The following BBOX1 variants were observed in gnomAD, a reference collection of about 807,000 sequenced individuals.
The protein encoded by BBOX1 is gamma-butyrobetaine dioxygenase.
BBOX1 carries 35 observed loss-of-function variants against 41.6 expected under a neutral mutation model. That is an observed-to-expected ratio of 0.84 (90% CI 0.64 to 1.11). The LOEUF is 1.11. Ranked by LOEUF, BBOX1 falls within the 50% of genes most tolerant of loss-of-function variation. The pLI is 0.00. For missense variants in BBOX1, 458 were observed against 460.6 expected (o/e 0.99, Z 0.05); for synonymous variants, 163 against 154.7 (o/e 1.05, Z -0.40).
intron 2 of BBOX1, chr11:27,047,280 T>C (rs189600874): frequency 3.2e-4 from 49 of 152,298 alleles, no homozygotes; most frequent in African/African-American, 1.1e-3. Flanking sequence ...CCCCCAGTGA[T>C]TGGAAATGTG....
intron 5 of BBOX1, among the ~76,000 whole-genome samples, chr11:27,100,118 T>G (rs1386599735): frequency 6.6e-6 from 1 of 152,058 alleles, no homozygotes; most frequent in Non-Finnish European, 1.5e-5. Context: ...CACATTAGAT[T>G]GGATTCAAGG....
At chr11:27,100,877 A>G (rs757839761) in intron 5 of BBOX1, among the ~76,000 whole-genome samples, 12 of 151,822 alleles carry the variant, frequency 7.9e-5, no homozygotes, top group South Asian at 2.1e-4. Context: ...CACACATACA[A>G]CCTTCCTTCC....
intron 4 of BBOX1, among the ~76,000 whole-genome samples, chr11:27,077,811 A>G (rs1422353797): frequency 6.6e-6 from 1 of 152,088 alleles, no homozygotes; most frequent in Non-Finnish European, 1.5e-5. Context: ...GAAAGATTAT[A>G]TAGATTGTCT....
At chr11:27,059,570 C>T (rs72876279) in intron 4 of BBOX1, among the ~76,000 whole-genome samples, 29,524 of 152,084 alleles carry the variant, frequency 0.19, 3,336 homozygotes, top group South Asian at 0.39. Flanking sequence ...GTAGATCCAC[C>T]GCCAGCATGC....
chr11:27,089,249 T>C (rs1264302007), intron 4 of BBOX1, among the ~76,000 whole-genome samples: 1 of 151,886 alleles, frequency 6.6e-6, no homozygotes, highest in African/African-American at 2.4e-5. Context: ...ATGTCAAATC[T>C]CAATAACCAT....
intron 4 of BBOX1, 23 bp from the exon 5 acceptor site, chr11:27,093,145 T>G (rs1590206221): frequency 1.1e-5 from 17 of 1,602,610 alleles, no homozygotes; most frequent in Non-Finnish European, 1.5e-5. Flanking sequence ...CCCATCTGAT[T>G]TCTTCATTTT....
At chr11:27,053,489 A>G (rs1443175205) in intron 2 of BBOX1, among the ~76,000 whole-genome samples, 1 of 152,226 alleles carries the variant, frequency 6.6e-6, no homozygotes, top group Non-Finnish European at 1.5e-5. Context: ...GCAAAGCCTA[A>G]AAGATATGCC....
At chr11:27,081,359 T>C (rs555435212) in intron 4 of BBOX1, among the ~76,000 whole-genome samples, 4 of 152,306 alleles carry the variant, frequency 2.6e-5, no homozygotes, top group Middle Eastern at 6.8e-3. Flanking sequence ...TCCAGCTTCA[T>C]CCATGTCCCT....
chr11:27,075,405 A>G (rs1344299158), intron 4 of BBOX1, among the ~76,000 whole-genome samples: 1 of 152,092 alleles, frequency 6.6e-6, no homozygotes, highest in African/African-American at 2.4e-5. Flanking sequence ...ATTTTTCCCC[A>G]GTAGGAGAGG....
At chr11:27,112,208 T>C (rs1019988936) in intron 5 of BBOX1, among the ~76,000 whole-genome samples, 18 of 152,076 alleles carry the variant, frequency 1.2e-4, no homozygotes, top group African/African-American at 4.3e-4. Flanking sequence ...TGAAGATTAA[T>C]AGACTTAAAG....
rs777045721 is a variant in BBOX1 at position 27,093,236 on chromosome 11, G to T, written c.403G>T (p.Glu135Ter). The T allele has an allele frequency of 6.2e-7, 1 of 1,612,462 alleles. No homozygotes were observed. The highest frequency in any genetic ancestry group is 8.5e-7 in the Non-Finnish European group (1 of 1,179,018). Residue 135 changes from glutamate to a stop codon, truncating the protein, a stop_gained, in exon 5 of 9, where the codon GAA becomes TAA. Transcript: ENST00000263182. LOFTEE classifies it high-confidence loss of function. The part of the protein sequence containing the change: ...LDFEDVLRYD[E>*]HAYKWLSTLK... ...TTTTGAAGATGTTTTAAGATATGAT[G>T]AACACGCATACAAGTGGCTCTCCAC...
intron 4 of BBOX1, among the ~76,000 whole-genome samples, chr11:27,075,471 A>G (rs868038953): frequency 6.6e-6 from 1 of 152,096 alleles, no homozygotes; most frequent in Non-Finnish European, 1.5e-5. Context: ...GCAACACCCA[A>G]TCATCGGCAG....
chr11:27,063,004 G>A (rs1857176854), intron 4 of BBOX1: 1 of 152,284 alleles, frequency 6.6e-6, no homozygotes, highest in Non-Finnish European at 1.5e-5. Flanking sequence ...AGTTTGGATG[G>A]ACCAGCATAG....
At chr11:27,117,689 G>T (rs1397373612) in intron 6 of BBOX1, among the ~76,000 whole-genome samples, 1 of 151,906 alleles carries the variant, frequency 6.6e-6, no homozygotes, top group African/African-American at 2.4e-5. Flanking sequence ...GTTAAAATTT[G>T]AAGCCTAAGG....
At chr11:27,071,210 TA>T (rs1311821303) in intron 4 of BBOX1, among the ~76,000 whole-genome samples, 5 of 151,516 alleles carry the variant, frequency 3.3e-5, no homozygotes, top group Non-Finnish European at 1.5e-5. Flanking sequence ...CCATCTCTAC[TA>T]AAACAAAAAA....
chr11:27,094,115 A>T (rs952028854), intron 5 of BBOX1, among the ~76,000 whole-genome samples: 1 of 152,028 alleles, frequency 6.6e-6, no homozygotes, highest in Non-Finnish European at 1.5e-5. Flanking sequence ...TCATAAAATT[A>T]GGCCTATGTG....
At chr11:27,097,188 G>GC (rs11373738) in intron 5 of BBOX1, among the ~76,000 whole-genome samples, 44,256 of 151,602 alleles carry the variant, frequency 0.29, 9,005 homozygotes, top group African/African-American at 0.57. Flanking sequence ...TTACAGACTA[G>GC]GCCAAAATGC....
chr11:27,048,649 T>A (rs1851567735), intron 2 of BBOX1, among the ~76,000 whole-genome samples: 2 of 152,130 alleles, frequency 1.3e-5, no homozygotes, highest in African/African-American at 4.8e-5. Context: ...CTGTTCTGAA[T>A]AATGCTGCTA....
intron 5 of BBOX1, among the ~76,000 whole-genome samples, chr11:27,098,856 C>A (rs1858540855): frequency 7.0e-6 from 1 of 143,788 alleles, no homozygotes; most frequent in Non-Finnish European, 1.5e-5. Flanking sequence ...TATTAATTAA[C>A]TATCCTGCTT....
Sources: gnomAD v4.1 joint callset for allele counts (sites outside exome capture counted in the v4.1 genomes callset) on GRCh38, gnomAD v4.1.1 for gene constraint, MANE v1.5 for transcripts, NCBI Gene and HGNC (gene_info 2026-07-23, HGNC 2026-07-21) for gene names.